The following ITGA2 variants were observed in gnomAD, a reference collection of about 807,000 sequenced individuals.
ITGA2 encodes the protein integrin subunit alpha 2.
In ITGA2, 101 loss-of-function variants were observed where a neutral mutation model predicts 146.3. That is an observed-to-expected ratio of 0.69 (90% CI 0.59 to 0.81). The LOEUF is 0.81. ITGA2 is among the 40% of genes least tolerant of loss of function. The pLI is 0.00. For synonymous variants in ITGA2, 477 were observed against 487.1 expected, an observed-to-expected ratio of 0.98 and a Z score of 0.27; for missense variants, 1,281 against 1,402.7, an observed-to-expected ratio of 0.91 and a Z score of 1.39.
At chr5:52,990,568 GT>G (rs59093202) in intron 1 of ITGA2, among the ~76,000 whole-genome samples, 62,830 of 143,786 alleles carry the variant, frequency 0.44, 13,938 homozygotes, top group South Asian at 0.51. Flanking sequence ...TGTGTGTGTG[GT>G]TTTTTTTTTT....
In ITGA2 at chr5:53,083,409, T is replaced by A; in HGVS notation, c.3214T>A (p.Phe1072Ile). ...AGACGTTCACATGAAAGGAGAATACTTTGTTAATGTGACTACCAGAATTTG... is the reference window on the plus strand; with the variant it reads ...AGACGTTCACATGAAAGGAGAATACATTGTTAATGTGACTACCAGAATTTG... ...LKDVHMKGEYFVNVTTRIWNG... is the reference protein window; with the variant it reads ...LKDVHMKGEYIVNVTTRIWNG... The change falls in exon 27 of 30, where the codon TTT becomes ATT. Residue 1072 changes from phenylalanine (F) to isoleucine (I), a missense_variant. Transcript: ENST00000296585. 6.2e-7 allele frequency: 1 copy of A among 1,613,238 alleles called. No homozygotes were observed. Among genetic ancestry groups the A allele is most frequent in the African/African-American group, 1.3e-5 (1 of 75,032 alleles).
chr5:53,074,527 T>C, intron 21 of ITGA2, 50 bp downstream of exon 21: 2 of 1,341,700 alleles, frequency 1.5e-6, no homozygotes, highest in Non-Finnish European at 2.1e-6. Context: ...CCTTAGCACA[T>C]ATGCTAATTT....
chr5:53,013,131 T>G (rs180918008), intron 1 of ITGA2, among the ~76,000 whole-genome samples: 10 of 152,322 alleles, frequency 6.6e-5, no homozygotes, highest in Admixed American at 4.6e-4. Context: ...AATTTTGTTT[T>G]GTTATAACTG....
chr5:53,038,452 C>T (rs1178885282), intron 2 of ITGA2, among the ~76,000 whole-genome samples: 4 of 152,176 alleles, frequency 2.6e-5, no homozygotes, highest in African/African-American at 9.7e-5. Context: ...CTAGGCCCCA[C>T]AGTATGGATG....
At chr5:52,997,010 G>T (rs183429167) in intron 1 of ITGA2, among the ~76,000 whole-genome samples, 28 of 152,308 alleles carry the variant, frequency 1.8e-4, no homozygotes, top group African/African-American at 5.3e-4. Flanking sequence ...AATTAGAAAA[G>T]AAGTTGATGT....
chr5:53,050,365 C>T (rs1420350151), intron 6 of ITGA2, among the ~76,000 whole-genome samples: 4 of 152,262 alleles, frequency 2.6e-5, no homozygotes, highest in East Asian at 3.9e-4. Context: ...GGGGCTCTGT[C>T]GTGGGATTAC....
At chr5:53,050,184 T>C (rs3212498) in intron 6 of ITGA2, among the ~76,000 whole-genome samples, 16,022 of 152,236 alleles carry the variant, frequency 0.11, 978 homozygotes, top group African/African-American at 0.16. Context: ...GTCTCCTATA[T>C]AGAATTCACA....
At chr5:53,013,392 A>G (rs1742240736) in intron 1 of ITGA2, among the ~76,000 whole-genome samples, 1 of 149,412 alleles carries the variant, frequency 6.7e-6, no homozygotes, top group Admixed American at 6.6e-5. Context: ...TTTTTTGTCA[A>G]CTTTGTCGAA....
chr5:53,034,052 G>A (rs1167639077), intron 2 of ITGA2, among the ~76,000 whole-genome samples: 4 of 151,918 alleles, frequency 2.6e-5, no homozygotes, highest in Non-Finnish European at 5.9e-5. Flanking sequence ...GTGAGCCACC[G>A]AGCCTGGCCC....
At chr5:53,020,369 C>G (rs971999517) in intron 1 of ITGA2, among the ~76,000 whole-genome samples, 2 of 152,082 alleles carry the variant, frequency 1.3e-5, no homozygotes, top group African/African-American at 2.4e-5. Flanking sequence ...ATTATGTGAC[C>G]ATTTGAGTTA....
chr5:53,028,511 G>C (rs1743060274), intron 2 of ITGA2, among the ~76,000 whole-genome samples: 1 of 152,190 alleles, frequency 6.6e-6, no homozygotes. Context: ...ATCATAAAGT[G>C]GTGAGGAGGC....
At chr5:53,074,499 C>T in intron 21 of ITGA2, 22 bp downstream of exon 21, 1 of 1,561,286 alleles carries the variant, frequency 6.4e-7, no homozygotes, top group South Asian at 1.1e-5. Flanking sequence ...ATTTCATCCT[C>T]CAATCCATAC....
rs761985032 is a variant in ITGA2, at chr5:53,062,802, G to A, written c.1475G>A (p.Gly492Asp). Residue 492 changes from glycine (G) to aspartate (D), a missense_variant, in exon 13 of 30, where the codon GGT becomes GAT. Physicochemically the swap from Gly to Asp is moderately conservative, Grantham distance 94. This residue lies in a region of ITGA2 where 795 missense variants were observed against 841.7 expected (regional missense o/e 0.94). Coordinates refer to ENST00000296585, the MANE Select transcript of ITGA2 (RefSeq NM_002203.4). ...TTACTCCAGATTGGCTCCTATTTTG[G>A]TAGTGTGCTGTGTTCAGTTGATGTG... The part of the protein sequence containing the change: ...HRGDQIGSYF[G>D]SVLCSVDVDK... 1 of 1,611,580 alleles carries A rather than the reference G, an allele frequency of 6.2e-7. No individual in the cohort carries two copies. Among genetic ancestry groups the A allele is most frequent in the South Asian group, 1.1e-5 (1 of 91,032 alleles).
rs1006331806 is a variant in ITGA2, at chr5:53,090,861, G to A, written c.*262G>A. ...AAAAAAAGTAATCTTTAAACTGGCT[G>A]GCCCAGAGTTTACATTCTAATTTGC... On this transcript the variant is annotated 3_prime_UTR_variant, in exon 30 of 30. Coordinates refer to ENST00000296585, the MANE Select transcript of ITGA2 (RefSeq NM_002203.4). 8 of 595,988 alleles carry A rather than the reference G, an allele frequency of 1.3e-5. No homozygotes were observed. The Admixed American group carries it at 1.8e-4, about 13-fold the overall frequency. 36.9% of individuals were successfully genotyped at this position (595,988 alleles called of 1,614,324 possible).
At position 53,075,239 on chromosome 5, in the gene ITGA2, C is replaced by A; in HGVS notation, c.2760C>A (p.Asn920Lys). 6.2e-7 allele frequency: 1 copy of A among 1,612,492 alleles called. No individual in the cohort carries two copies. Residue 920 changes from asparagine to lysine, a missense_variant, in exon 23 of 30, where the codon AAC becomes AAA. By Grantham distance (94) the Asn-to-Lys change is moderately conservative (BLOSUM62 0). This residue lies in a region of ITGA2 where 475 missense variants were observed against 530.5 expected (regional missense o/e 0.90). Transcript: ENST00000296585. ...TCTATAGTGAAAGCCAAGAAGAAAA[C>A]AAGGCTGATAATTTGGTCAACCTCA... is the stretch of plus-strand genomic sequence containing the variant. Reference protein sequence around the residue: ...FQALSESQEENKADNLVNLKI... With the variant: ...FQALSESQEEKKADNLVNLKI...
At chr5:53,060,077 G>A in intron 11 of ITGA2, 65 bp downstream of exon 11, 1 of 1,546,482 alleles carries the variant, frequency 6.5e-7, no homozygotes, top group South Asian at 1.1e-5. Flanking sequence ...GCTCTTTGTT[G>A]AATCTCAGGG....
intron 2 of ITGA2, among the ~76,000 whole-genome samples, chr5:53,031,304 G>GCA (rs1415400239): frequency 6.6e-6 from 1 of 152,188 alleles, no homozygotes; most frequent in Non-Finnish European, 1.5e-5. Context: ...TGTAATACAT[G>GCA]CACACACACA....
intron 10 of ITGA2, 90 bp downstream of exon 10, chr5:53,058,191 C>T: frequency 2.1e-6 from 2 of 937,538 alleles, no homozygotes; most frequent in Admixed American, 1.7e-5. Flanking sequence ...GGAAGACAGC[C>T]ATCTAGGGAT....
chr5:53,066,407 A>G (rs979439208), intron 15 of ITGA2, among the ~76,000 whole-genome samples: 1 of 151,920 alleles, frequency 6.6e-6, no homozygotes, highest in Non-Finnish European at 1.5e-5. Flanking sequence ...GTCATAAACA[A>G]TAAGCCATTA....
Sources: allele counts gnomAD v4.1 joint callset (sites outside exome capture counted in the v4.1 genomes callset), GRCh38; gene constraint gnomAD v4.1.1; regional missense constraint gnomAD v4.1.1; transcripts MANE v1.5; gene names NCBI Gene and HGNC (gene_info 2026-07-23, HGNC 2026-07-21).